Variants in SSBP3 observed in about 807,000 individuals in gnomAD.
SSBP3 encodes single stranded DNA binding protein 3.
Under a neutral mutation model 69.6 loss-of-function variants are expected in SSBP3, and 5 were observed. The ratio of observed to expected loss-of-function variants is 0.07; its 90% CI spans 0.04 to 0.15. SSBP3 has a LOEUF of 0.15. Among genes scored for constraint, SSBP3 ranks in the 10% least tolerant of loss-of-function variants. The probability of loss-of-function intolerance (pLI) is 1.00; values close to 1 mark genes in which losing one functional copy is unlikely to be tolerated. For missense variants in SSBP3, 312 were observed against 534.0 expected, an observed-to-expected ratio of 0.58 and a Z score of 4.10; for synonymous variants, 196 against 193.4, an observed-to-expected ratio of 1.01 and a Z score of -0.11.
At chr1:54,239,919 TA>T (rs1644575521) in intron 13 of SSBP3, among the ~76,000 whole-genome samples, 1 of 152,178 alleles carries the variant, frequency 6.6e-6, no homozygotes, top group Admixed American at 6.5e-5. Flanking sequence ...GCAGGCGCTG[TA>T]ATTCTTGGGC....
At chr1:54,253,952 G>A (rs1287660234) in intron 7 of SSBP3, among the ~76,000 whole-genome samples, 1 of 152,230 alleles carries the variant, frequency 6.6e-6, no homozygotes, top group African/African-American at 2.4e-5. Flanking sequence ...CTGTTCAGAG[G>A]CTCAGAGGGG....
At chr1:54,240,400 G>C (rs1389692125) in intron 13 of SSBP3, among the ~76,000 whole-genome samples, 1 of 145,094 alleles carries the variant, frequency 6.9e-6, no homozygotes, top group Non-Finnish European at 1.5e-5. Flanking sequence ...GGAGATTGCA[G>C]TGAGCTGAGA....
intron 4 of SSBP3, among the ~76,000 whole-genome samples, chr1:54,284,117 T>C (rs1360269023): frequency 6.7e-6 from 1 of 148,234 alleles, no homozygotes; most frequent in African/African-American, 2.5e-5. Flanking sequence ...TTTTTTTTTT[T>C]TTTTTTTTTT....
chr1:54,282,510 G>A (rs79825467), intron 4 of SSBP3, among the ~76,000 whole-genome samples: 2,858 of 152,314 alleles, frequency 0.019, 100 homozygotes, highest in African/African-American at 0.065. Context: ...TGGTATATCT[G>A]CCTCAACAAA....
chr1:54,326,692 G>A (rs937457788), intron 4 of SSBP3, among the ~76,000 whole-genome samples: 19 of 152,158 alleles, frequency 1.2e-4, no homozygotes, highest in African/African-American at 3.6e-4. Flanking sequence ...TACCCAGGCC[G>A]TTCCACCCAT....
At chr1:54,238,495 C>T (rs995350194) in intron 14 of SSBP3, 6 of 372,286 alleles carry the variant, frequency 1.6e-5, no homozygotes, top group Admixed American at 3.7e-5. Context: ...GGGCAACGCC[C>T]CCTGGGTGAG....
At chr1:54,407,205 A>G (rs1170936775), upstream of SSBP3, among the ~76,000 whole-genome samples, 1 of 151,828 alleles carries the variant, frequency 6.6e-6, no homozygotes, top group Admixed American at 6.6e-5. Context: ...AGGGAGAGTG[A>G]TTTCTCCCAA....
intron 9 of SSBP3, 111 bp from the exon 10 acceptor site, chr1:54,243,410 T>A: frequency 7.5e-7 from 1 of 1,328,982 alleles, no homozygotes. Flanking sequence ...GTGAAAAGGA[T>A]TGATGAGAAA....
chr1:54,344,348 T>C (rs970054665), intron 4 of SSBP3, among the ~76,000 whole-genome samples: 7 of 152,230 alleles, frequency 4.6e-5, no homozygotes, highest in Admixed American at 6.5e-5. Context: ...AAGACAGCTA[T>C]GCACTGCACA....
chr1:54,278,297 G>A (rs1044016283), intron 5 of SSBP3, among the ~76,000 whole-genome samples: 3 of 151,188 alleles, frequency 2.0e-5, no homozygotes, highest in South Asian at 2.1e-4. Flanking sequence ...CTTAGTATAT[G>A]CCAGGTGCTG....
At chr1:54,364,055 G>C (rs1438539889) in intron 4 of SSBP3, among the ~76,000 whole-genome samples, 1 of 152,196 alleles carries the variant, frequency 6.6e-6, no homozygotes, top group Admixed American at 6.5e-5. Flanking sequence ...AAGACATCAT[G>C]GCAGCCAAAG....
At chr1:54,381,961 A>C (rs944689175) in intron 4 of SSBP3, among the ~76,000 whole-genome samples, 8 of 152,226 alleles carry the variant, frequency 5.3e-5, no homozygotes, top group Non-Finnish European at 7.3e-5. Flanking sequence ...TGGGAGGCCG[A>C]GGTGGGTGGA....
At chr1:54,353,631 T>TG (rs766797768) in intron 4 of SSBP3, among the ~76,000 whole-genome samples, 5 of 152,146 alleles carry the variant, frequency 3.3e-5, no homozygotes, top group Non-Finnish European at 5.9e-5. Flanking sequence ...ACATGCTCCA[T>TG]GGAAGTCAGA....
In SSBP3 at chr1:54,286,128, C is replaced by T. The variant is rs574871077; in HGVS notation, c.277-4601G>A. On this transcript the variant is annotated intron_variant, in intron 4 of 17. Transcript: ENST00000610401. ...GGCCATTTTGTGATCAAAGATTAAA[C>T]ACTACCGAGAGACCTGTTATCTGAG... Among the ~76,000 whole-genome samples the T allele has an allele frequency of 2.0e-5, 3 of 152,238 alleles. No homozygotes were observed. The East Asian group carries it at 5.8e-4, about 29-fold the overall frequency.
At chr1:54,301,674 T>A (rs1645804010) in intron 4 of SSBP3, among the ~76,000 whole-genome samples, 1 of 151,952 alleles carries the variant, frequency 6.6e-6, no homozygotes, top group Non-Finnish European at 1.5e-5. Context: ...AACAGTAAGC[T>A]CCAACCCAAA....
intron 4 of SSBP3, among the ~76,000 whole-genome samples, chr1:54,339,172 GA>G (rs1334606962): frequency 6.6e-6 from 1 of 151,732 alleles, no homozygotes; most frequent in Non-Finnish European, 1.5e-5. Context: ...GAAAAAAAAA[GA>G]AAAAGAAAAA....
intron 13 of SSBP3, among the ~76,000 whole-genome samples, chr1:54,239,629 T>TGATGGGGCAGGAGGGAGAGGCAGG (rs1261309109): frequency 2.0e-5 from 3 of 152,174 alleles, no homozygotes; most frequent in African/African-American, 7.2e-5. Flanking sequence ...CCTGCCAGGC[T>TGATGGGGCAGGAGGGAGAGGCAGG]GATGGGGCAG....
intron 17 of SSBP3, 113 bp downstream of exon 17, chr1:54,228,142 C>G: frequency 1.0e-6 from 1 of 987,184 alleles, no homozygotes; most frequent in South Asian, 1.3e-5. Flanking sequence ...AAAACCATAA[C>G]ACGGCCACCA....
chr1:54,264,071 C>T (rs1557474945), intron 5 of SSBP3, among the ~76,000 whole-genome samples: 1 of 152,176 alleles, frequency 6.6e-6, no homozygotes, highest in Non-Finnish European at 1.5e-5. Context: ...GAGGCCGAGG[C>T]AGGAGGATTG....
Sources: gnomAD v4.1 joint callset for allele counts (sites outside exome capture counted in the v4.1 genomes callset) on GRCh38, gnomAD v4.1.1 for gene constraint, MANE v1.5 for transcripts, NCBI Gene and HGNC (gene_info 2026-07-23, HGNC 2026-07-21) for gene names.